Variants in TSC22D3 observed in about 807,000 individuals in gnomAD.
TSC22D3 encodes the protein TSC22 domain family member 3, also known as TSC22 domain family protein 3.
TSC22D3 carries 4 observed loss-of-function variants against 11.1 expected under a neutral mutation model. That is an observed-to-expected ratio of 0.36 (90% CI 0.18 to 0.83). TSC22D3 has a LOEUF of 0.83. Among genes scored for constraint, TSC22D3 ranks in the 40% least tolerant of loss-of-function variants. The pLI, the probability that TSC22D3 is intolerant of heterozygous loss-of-function variation, is 0.48. For synonymous variants in TSC22D3, 77 were observed against 70.3 expected (o/e 1.10, Z -0.48); for missense variants, 118 against 159.4 (o/e 0.74, Z 1.40).
intron 1 of TSC22D3, among the ~76,000 whole-genome samples, chrX:107,739,991 G>A (rs1928320590): frequency 8.9e-6 from 1 of 112,459 alleles, no homozygotes; most frequent in South Asian, 3.6e-4. Flanking sequence ...CCTGCTTTGT[G>A]CAAAACGTGG....
At chrX:107,751,122 T>C (rs1291800593) in intron 1 of TSC22D3, among the ~76,000 whole-genome samples, 2 of 111,685 alleles carry the variant, frequency 1.8e-5, no homozygotes, top group African/African-American at 6.5e-5. Context: ...AGGAAATGGG[T>C]AACCCAGAGC....
At chrX:107,774,956 T>A in intron 1 of TSC22D3, 144 bp downstream of exon 1, 1 of 680,950 alleles carries the variant, frequency 1.5e-6, no homozygotes, top group East Asian at 3.4e-5. Flanking sequence ...CCAGGCAACC[T>A]CAAGGTCCAG....
intron 1 of TSC22D3, among the ~76,000 whole-genome samples, chrX:107,766,356 T>C (rs1218782306): frequency 5.4e-5 from 6 of 110,860 alleles, no homozygotes; most frequent in Non-Finnish European, 1.1e-4. Context: ...TCATGGAGCG[T>C]GGACTGGGAA....
At chrX:107,728,493 G>A (rs1478045481) in intron 1 of TSC22D3, among the ~76,000 whole-genome samples, 2 of 112,437 alleles carry the variant, frequency 1.8e-5, no homozygotes, top group Admixed American at 1.9e-4. Context: ...AGCTAAAGGC[G>A]CTGGGTCAGT....
chrX:107,744,477 T>C (rs749609207), intron 1 of TSC22D3, among the ~76,000 whole-genome samples: 2 of 110,217 alleles, frequency 1.8e-5, no homozygotes, highest in South Asian at 3.9e-4. Context: ...TGAGACTCCG[T>C]TTCAAAAAAA....
At chrX:107,747,859 A>G (rs1344338688) in intron 1 of TSC22D3, among the ~76,000 whole-genome samples, 1 of 112,713 alleles carries the variant, frequency 8.9e-6, no homozygotes, top group Non-Finnish European at 1.9e-5. Context: ...TTTGTTCAGC[A>G]AGCAGCTGCC....
intron 1 of TSC22D3, among the ~76,000 whole-genome samples, chrX:107,746,335 G>C (rs1453887536): frequency 9.0e-6 from 1 of 111,608 alleles, no homozygotes; most frequent in Non-Finnish European, 1.9e-5. Flanking sequence ...GGCCAAGACG[G>C]TTCTCCCAGG....
chrX:107,737,926 C>T (rs779515628), intron 1 of TSC22D3, among the ~76,000 whole-genome samples: 9 of 112,124 alleles, frequency 8.0e-5, no homozygotes, highest in African/African-American at 2.9e-4. Flanking sequence ...TCCCTGGACA[C>T]TGGGATATTG....
At chrX:107,732,663 T>C (rs964885788) in intron 1 of TSC22D3, among the ~76,000 whole-genome samples, 2 of 111,456 alleles carry the variant, frequency 1.8e-5, no homozygotes, top group Admixed American at 9.5e-5. Context: ...GAGAGATTTA[T>C]GGGGCAGAAT....
intron 1 of TSC22D3, among the ~76,000 whole-genome samples, chrX:107,756,358 C>T (rs1397038472): frequency 8.9e-6 from 1 of 112,338 alleles, no homozygotes; most frequent in Non-Finnish European, 1.9e-5. Context: ...GATGTGTTAG[C>T]TGTATATTCC....
At chrX:107,726,987 A>G (rs1024887856) in intron 1 of TSC22D3, among the ~76,000 whole-genome samples, 1 of 111,969 alleles carries the variant, frequency 8.9e-6, no homozygotes, top group African/African-American at 3.2e-5. Flanking sequence ...ATGGAAACCG[A>G]GGAACAGCCA....
intron 1 of TSC22D3, among the ~76,000 whole-genome samples, chrX:107,774,172 A>G (rs1300889693): frequency 1.8e-5 from 2 of 111,807 alleles, no homozygotes; most frequent in Non-Finnish European, 3.8e-5. Flanking sequence ...CCCTATCCTG[A>G]TGGCGCTAAG....
At chrX:107,726,005 G>C (rs1927602932) in intron 1 of TSC22D3, among the ~76,000 whole-genome samples, 1 of 111,623 alleles carries the variant, frequency 9.0e-6, no homozygotes, top group Non-Finnish European at 1.9e-5. Context: ...CTGAAGGGGT[G>C]TGACTCATTC....
chrX:107,731,787 C>T (rs1035338177), intron 1 of TSC22D3, among the ~76,000 whole-genome samples: 1 of 101,020 alleles, frequency 9.9e-6, no homozygotes, highest in African/African-American at 3.7e-5. Context: ...GGGCAGCCTG[C>T]GCTGGGGATA....
intron 1 of TSC22D3, among the ~76,000 whole-genome samples, chrX:107,742,873 G>A (rs1314811406): frequency 1.8e-5 from 2 of 111,874 alleles, no homozygotes; most frequent in Non-Finnish European, 3.8e-5. Flanking sequence ...CACATCATCC[G>A]CGAGAGATCC....
chrX:107,714,499 C>T lies in TSC22D3; in HGVS notation c.*20G>A. The stretch of plus-strand genomic sequence containing the variant: ...GTAAAACAAGTTTAGTGGCTCTGCC[C>T]ACCCTGAGGACAGAGCCACTTACAC... On this transcript the variant is annotated 3_prime_UTR_variant, in exon 3 of 3. Coordinates refer to ENST00000372383, the MANE Select transcript of TSC22D3 (RefSeq NM_198057.3). 1 of 1,193,400 alleles carries T rather than the reference C, an allele frequency of 8.4e-7. No homozygotes were observed. The highest frequency in any genetic ancestry group is 1.1e-6 in the Non-Finnish European group (1 of 883,065).
chrX:107,722,764 G>T (rs970327239), intron 1 of TSC22D3, among the ~76,000 whole-genome samples: 9 of 111,619 alleles, frequency 8.1e-5, no homozygotes, highest in African/African-American at 2.9e-4. Flanking sequence ...GAAAAAGGCG[G>T]TTGGTAAAAC....
Position 107,714,533 on chromosome X carries a change from C to T in TSC22D3, c.589G>A (p.Gly197Ser), listed in dbSNP as rs994178058. The change falls in exon 3 of 3, where the codon GGT (glycine) becomes AGT (serine). Residue 197 changes from glycine to serine, a missense_variant. Physicochemically the swap from Gly to Ser is moderately conservative, Grantham distance 56 (BLOSUM62 0). Transcript: ENST00000372383. ...ESPQVPEAPG[G>S]SAV ...GACAGAGCCACTTACACCGCAGAAC[C>T]ACCAGGGGCCTCGGGCACTTGTGGG... 4.1e-6 allele frequency: 5 copies of T among 1,209,547 alleles called. No homozygotes were observed. The African/African-American group carries it at 7.0e-5, about 17-fold the overall frequency.
At chrX:107,748,567 C>G (rs181634494) in intron 1 of TSC22D3, among the ~76,000 whole-genome samples, 1 of 111,809 alleles carries the variant, frequency 8.9e-6, no homozygotes, top group East Asian at 2.8e-4. Flanking sequence ...TCCCTTCTGC[C>G]TCATCTCCCT....
Sources: gnomAD v4.1 joint callset for allele counts (sites outside exome capture counted in the v4.1 genomes callset) on GRCh38, gnomAD v4.1.1 for gene constraint, MANE v1.5 for transcripts, NCBI Gene and HGNC (gene_info 2026-07-23, HGNC 2026-07-21) for gene names.